The following CACHD1 variants were observed in gnomAD, a reference collection of about 807,000 sequenced individuals.
CACHD1 encodes the protein cache domain containing 1.
A neutral mutation model predicts 138.7 loss-of-function variants in CACHD1; 71 were observed. The observed-to-expected ratio is 0.51, with a 90% CI of 0.42 to 0.62. CACHD1 has a LOEUF of 0.62. CACHD1 is among the 20% of genes least tolerant of loss of function. CACHD1 has a pLI of 0.00. For synonymous variants in CACHD1, 578 were observed against 591.5 expected (o/e 0.98, Z 0.33); for missense variants, 1,389 against 1,625.3 (o/e 0.85, Z 2.50).
At chr1:64,508,707 CTA>C (rs1646395872) in intron 1 of CACHD1, among the ~76,000 whole-genome samples, 3 of 152,162 alleles carry the variant, frequency 2.0e-5, no homozygotes, top group African/African-American at 7.2e-5. Context: ...AGTGAGAGGG[CTA>C]AGTAAGATAG....
rs116642355 is a variant in CACHD1, at chr1:64,508,988, C to T, written c.198+38046C>T. ...GCTGCTACTCCCCTCATCTTTGCTGCCCAGATGGCAAGCACAAAGGAAAAA... is the reference window on the plus strand; with the variant it reads ...GCTGCTACTCCCCTCATCTTTGCTGTCCAGATGGCAAGCACAAAGGAAAAA... On this transcript the variant is annotated intron_variant, in intron 1 of 26. Coordinates refer to ENST00000651257, the MANE Select transcript of CACHD1 (RefSeq NM_020925.4). 5.5e-3 allele frequency among the ~76,000 whole-genome samples: 833 copies of T among 152,248 alleles called. 8 individuals carry two copies. The highest frequency in any genetic ancestry group is 0.019 in the African/African-American group (801 of 41,542).
At chr1:64,609,006 C>G (rs1647432264) in intron 4 of CACHD1, among the ~76,000 whole-genome samples, 1 of 152,114 alleles carries the variant, frequency 6.6e-6, no homozygotes, top group African/African-American at 2.4e-5. Context: ...ACATTGCAGT[C>G]TTCATTGAGA....
chr1:64,520,723 T>C (rs1037020019), intron 1 of CACHD1, among the ~76,000 whole-genome samples: 1 of 152,212 alleles, frequency 6.6e-6, no homozygotes, highest in Non-Finnish European at 1.5e-5. Context: ...AACTTCCACA[T>C]ACTCGGAACC....
At chr1:64,549,798 TTTTTTA>T (rs1336915347) in intron 1 of CACHD1, among the ~76,000 whole-genome samples, 1 of 139,052 alleles carries the variant, frequency 7.2e-6, no homozygotes, top group Non-Finnish European at 1.5e-5. Context: ...TCTTTTTATT[TTTTTTA>T]TTTTTTTGCT....
intron 3 of CACHD1, among the ~76,000 whole-genome samples, chr1:64,589,166 A>G (rs1398887007): frequency 3.9e-5 from 6 of 152,160 alleles, no homozygotes; most frequent in Admixed American, 3.9e-4. Context: ...GATTCCTGCT[A>G]TTTTACAGGG....
chr1:64,621,432 T>C (rs920426373), intron 4 of CACHD1, among the ~76,000 whole-genome samples: 1 of 152,162 alleles, frequency 6.6e-6, no homozygotes, highest in Non-Finnish European at 1.5e-5. Flanking sequence ...AGTTTGTTCT[T>C]CCTCTCTATT....
chr1:64,553,922 T>C (rs1048407975), intron 2 of CACHD1, among the ~76,000 whole-genome samples: 2 of 152,246 alleles, frequency 1.3e-5, no homozygotes, highest in African/African-American at 4.8e-5. Context: ...AGCACCCATG[T>C]TGACATCTGT....
intron 3 of CACHD1, among the ~76,000 whole-genome samples, chr1:64,585,347 A>G (rs1647043400): frequency 1.3e-5 from 2 of 152,222 alleles, no homozygotes; most frequent in Non-Finnish European, 2.9e-5. Context: ...CTAATTTGGT[A>G]AAACCCAGTG....
chr1:64,665,970 A>T, intron 15 of CACHD1, 87 bp from the exon 16 acceptor site: 1 of 684,062 alleles, frequency 1.5e-6, no homozygotes. Flanking sequence ...GCACCACTGC[A>T]CTCCAGCCTG....
intron 26 of CACHD1, among the ~76,000 whole-genome samples, chr1:64,687,586 A>G (rs756217375): frequency 5.3e-5 from 8 of 152,138 alleles, no homozygotes; most frequent in Non-Finnish European, 8.8e-5. Context: ...CACCATCACT[A>G]CCGTCCTGGA....
intron 1 of CACHD1, among the ~76,000 whole-genome samples, chr1:64,488,264 A>G (rs775407831): frequency 2.8e-4 from 42 of 152,220 alleles, no homozygotes; most frequent in Non-Finnish European, 5.3e-4. Flanking sequence ...GAATCTCATT[A>G]TGACATAGTA....
In CACHD1 at chr1:64,654,024, G is replaced by T. The variant is rs543961490; in HGVS notation, c.1664+143G>T. The T allele has an allele frequency of 1.1e-5, 8 of 714,598 alleles. No individual in the cohort carries two copies. The African/African-American group carries it at 1.5e-4, about 13-fold the overall frequency. The allele number at this position is 714,598 out of a possible 1,614,324, so 44.3% of individuals were successfully genotyped here. ...CAAAAGTATTCTCAGTAATGTTTCCGTAAGAATAGCACCCAAGATTTTGCT... is the reference window on the plus strand; with the variant it reads ...CAAAAGTATTCTCAGTAATGTTTCCTTAAGAATAGCACCCAAGATTTTGCT... On this transcript the variant is annotated intron_variant, in intron 11 of 26. Coordinates refer to ENST00000651257, the MANE Select transcript of CACHD1 (RefSeq NM_020925.4).
chr1:64,547,523 G>A (rs979955527), intron 1 of CACHD1, among the ~76,000 whole-genome samples: 2 of 152,046 alleles, frequency 1.3e-5, no homozygotes, highest in Admixed American at 6.5e-5. Context: ...GCACCACCAT[G>A]CCTGGCTAAT....
chr1:64,671,197 T>G, intron 16 of CACHD1, among the ~76,000 whole-genome samples: 1 of 118,340 alleles, frequency 8.5e-6, no homozygotes, highest in Non-Finnish European at 1.6e-5. Flanking sequence ...TAAGGGGGAT[T>G]TTTTTTTTAT....
chr1:64,626,240 T>C (rs1032643691), intron 4 of CACHD1, among the ~76,000 whole-genome samples: 1 of 152,216 alleles, frequency 6.6e-6, no homozygotes, highest in Admixed American at 6.5e-5. Context: ...CATACCTGAG[T>C]ATGTACATGC....
intron 3 of CACHD1, among the ~76,000 whole-genome samples, chr1:64,600,151 G>A (rs1352334090): frequency 1.3e-5 from 2 of 152,134 alleles, no homozygotes; most frequent in Non-Finnish European, 2.9e-5. Context: ...GTCAGCTGCA[G>A]ATGTACCTCA....
In CACHD1 at chr1:64,675,563, TA is replaced by T; in HGVS notation, c.2888+7del. 6.2e-7 allele frequency: 1 copy of T among 1,605,552 alleles called. No homozygotes were observed. Among genetic ancestry groups the T allele is most frequent in the Middle Eastern group, 1.7e-4 (1 of 6,024 alleles). ...CCGACTCTGTCTCAACTGTCACCGG[TA>T]AAAATGCAATGGGTCATATTCTGTG... On this transcript the variant is annotated splice_donor_region_variant and intron_variant, in intron 20 of 26. Coordinates refer to ENST00000651257, the MANE Select transcript of CACHD1 (RefSeq NM_020925.4).
chr1:64,657,373 G>T (rs977058261), intron 12 of CACHD1, among the ~76,000 whole-genome samples: 3 of 152,126 alleles, frequency 2.0e-5, no homozygotes, highest in African/African-American at 7.2e-5. Context: ...GAAGCTTACG[G>T]TAACTTTATT....
chr1:64,568,159 G>GGTTTT (rs940981105), intron 2 of CACHD1, among the ~76,000 whole-genome samples: 24 of 152,014 alleles, frequency 1.6e-4, no homozygotes, highest in Non-Finnish European at 2.1e-4. Flanking sequence ...GGGCTATTGG[G>GGTTTT]GTTTTGTTTT....
Sources: gnomAD v4.1 joint callset for allele counts (sites outside exome capture counted in the v4.1 genomes callset) on GRCh38, gnomAD v4.1.1 for gene constraint, MANE v1.5 for transcripts, NCBI Gene and HGNC (gene_info 2026-07-23, HGNC 2026-07-21) for gene names.